The following SHISA9 variants were observed in gnomAD, a reference collection of about 807,000 sequenced individuals.
SHISA9 encodes the protein protein shisa-9.
Under a neutral mutation model 38.0 loss-of-function variants are expected in SHISA9, and 13 were observed. The ratio of observed to expected loss-of-function variants is 0.34; its 90% CI spans 0.22 to 0.54. The LOEUF is 0.54. SHISA9 is among the 20% of genes least tolerant of loss of function. The probability of loss-of-function intolerance (pLI) is 0.91; values close to 1 mark genes in which losing one functional copy is unlikely to be tolerated. For synonymous variants in SHISA9, 275 were observed against 242.0 expected, an observed-to-expected ratio of 1.14 and a Z score of -1.27; for missense variants, 538 against 575.8, an observed-to-expected ratio of 0.93 and a Z score of 0.67.
In SHISA9 at chr16:13,068,940, T is replaced by C. The variant is rs2073469073; in HGVS notation, c.692-134454T>C. ...TGTATACGTGTGTACATGCAATGTGTATATGCGCATATGTGTACATATGCA... is the reference window on the plus strand; with the variant it reads ...TGTATACGTGTGTACATGCAATGTGCATATGCGCATATGTGTACATATGCA... On this transcript the variant is annotated intron_variant, in intron 2 of 4. Transcript: ENST00000558583. Among the ~76,000 whole-genome samples the C allele has an allele frequency of 2.6e-5, 4 of 152,286 alleles. No homozygotes were observed. In the South Asian group the frequency reaches 6.2e-4, roughly 24 times the overall value.
chr16:13,345,706 C>T, the SHISA9 span, among the ~76,000 whole-genome samples: 1 of 151,888 alleles, frequency 6.6e-6, no homozygotes, highest in Non-Finnish European at 1.5e-5. Context: ...AACTAATTTA[C>T]ATTCCCACCA....
chr16:13,240,356 CAT>C lies in SHISA9; in HGVS notation c.*4950_*4951del, dbSNP rs1217390237. ...TTTTCTAAGAATGTTTATTTGTAAA[CAT>C]ATGTATTCACTATATTAATATGAAT... On this transcript the variant is annotated 3_prime_UTR_variant, in exon 5 of 5. Transcript: ENST00000558583. 6.6e-6 allele frequency: 1 copy of C among 152,178 alleles called. No individual in the cohort carries two copies. The highest frequency in any genetic ancestry group is 1.5e-5 in the Non-Finnish European group (1 of 68,016). The allele number at this position is 152,178 out of a possible 1,614,324, so 9.4% of individuals were successfully genotyped here. A position where few individuals can be genotyped will look rare whatever the true frequency, so the allele number is the denominator to read the frequency against.
intron 2 of SHISA9, among the ~76,000 whole-genome samples, chr16:13,018,945 A>T (rs1596588296): frequency 1.3e-5 from 2 of 152,216 alleles, no homozygotes; most frequent in South Asian, 4.1e-4. Flanking sequence ...ACTTTGCTCA[A>T]GCTACCATAG....
chr16:13,232,544 GAC>G (rs1401965780), intron 4 of SHISA9, among the ~76,000 whole-genome samples: 2 of 152,214 alleles, frequency 1.3e-5, no homozygotes, highest in Non-Finnish European at 2.9e-5. Flanking sequence ...CATGGCCCAT[GAC>G]ACAGCCCTCA....
At chr16:13,437,815 G>A in the SHISA9 span, among the ~76,000 whole-genome samples, 3 of 130,328 alleles carry the variant, frequency 2.3e-5, no homozygotes, top group East Asian at 5.5e-4. Flanking sequence ...ACAATTCCAA[G>A]TGGTGGATCT....
intron 1 of SHISA9, among the ~76,000 whole-genome samples, chr16:12,915,997 G>T (rs6498364): frequency 0.32 from 27,059 of 84,580 alleles, 2,720 homozygotes; most frequent in East Asian, 0.45. Flanking sequence ...TTTTTTTTTT[G>T]TGTGTGTGTG....
the SHISA9 span, among the ~76,000 whole-genome samples, chr16:13,475,223 A>G: frequency 6.6e-6 from 1 of 151,974 alleles, no homozygotes; most frequent in Non-Finnish European, 1.5e-5. Flanking sequence ...TTATTTAGGG[A>G]TTGGCTTACA....
At chr16:13,039,380 G>A (rs1052843510) in intron 2 of SHISA9, among the ~76,000 whole-genome samples, 3 of 151,996 alleles carry the variant, frequency 2.0e-5, no homozygotes, top group Admixed American at 6.6e-5. Context: ...CTTGTACAAG[G>A]TAATACAGAT....
At position 13,174,819 on chromosome 16, in the gene SHISA9, C is replaced by G. The variant is rs1420280081; in HGVS notation, c.692-28575C>G. On this transcript the variant is annotated intron_variant, in intron 2 of 4. Coordinates refer to ENST00000558583, the MANE Select transcript of SHISA9 (RefSeq NM_001145204.3). ...GGAGCCAAGCTGATTCCTTTATAAT[C>G]TCTGGATCCAAGGCAGCTCTGAGAT... Among the ~76,000 whole-genome samples, 5 of 152,266 alleles carry G rather than the reference C, an allele frequency of 3.3e-5. No homozygotes were observed. The East Asian group carries it at 9.7e-4, about 29-fold the overall frequency.
chr16:13,164,639 G>A (rs190205311), intron 2 of SHISA9, among the ~76,000 whole-genome samples: 15 of 152,116 alleles, frequency 9.9e-5, no homozygotes, highest in Admixed American at 9.8e-4. Context: ...CTATAAATTA[G>A]CCTCTAGGTA....
At chr16:13,345,123 T>C in the SHISA9 span, among the ~76,000 whole-genome samples, 137 of 152,320 alleles carry the variant, frequency 9.0e-4, 1 homozygote, top group Non-Finnish European at 1.4e-3. Flanking sequence ...AAATTTTATT[T>C]TAACTTCAGG....
chr16:13,423,324 T>G, the SHISA9 span, among the ~76,000 whole-genome samples: 2 of 152,208 alleles, frequency 1.3e-5, no homozygotes, highest in African/African-American at 4.8e-5. Context: ...GGAGATTGTT[T>G]TCTTTATTTT....
At chr16:13,301,887 A>G in the SHISA9 span, among the ~76,000 whole-genome samples, 130 of 152,308 alleles carry the variant, frequency 8.5e-4, no homozygotes, top group African/African-American at 2.8e-3. Flanking sequence ...AATGTTGTCT[A>G]CCTCACAGAG....
the SHISA9 span, among the ~76,000 whole-genome samples, chr16:13,379,628 C>G: frequency 3.1e-4 from 47 of 152,338 alleles, no homozygotes; most frequent in African/African-American, 1.1e-3. Context: ...TCCCTGTTTC[C>G]AGTCCCTGTG....
At chr16:12,996,759 G>A (rs2072462206) in intron 2 of SHISA9, among the ~76,000 whole-genome samples, 1 of 152,064 alleles carries the variant, frequency 6.6e-6, no homozygotes, top group Non-Finnish European at 1.5e-5. Flanking sequence ...TTTCTTATCT[G>A]TAGTTCAAAC....
At chr16:13,100,227 A>T (rs1260300310) in intron 2 of SHISA9, among the ~76,000 whole-genome samples, 1 of 152,246 alleles carries the variant, frequency 6.6e-6, no homozygotes, top group Non-Finnish European at 1.5e-5. Flanking sequence ...AACACCACTC[A>T]GAACAAAACA....
chr16:13,276,972 A>G, the SHISA9 span, among the ~76,000 whole-genome samples: 1 of 151,964 alleles, frequency 6.6e-6, no homozygotes, highest in Non-Finnish European at 1.5e-5. Context: ...TGGGTTCATG[A>G]TCATAAAATC....
the SHISA9 span, among the ~76,000 whole-genome samples, chr16:13,459,917 TA>T: frequency 6.6e-5 from 10 of 151,854 alleles, no homozygotes; most frequent in Non-Finnish European, 1.2e-4. Context: ...TGATTATGAA[TA>T]TTTTTTTAAC....
chr16:13,513,197 G>T, the SHISA9 span, among the ~76,000 whole-genome samples: 2 of 152,128 alleles, frequency 1.3e-5, no homozygotes, highest in African/African-American at 2.4e-5. Context: ...AGTGGGCAAA[G>T]GATATGAAAA....
Sources: allele counts gnomAD v4.1 joint callset (sites outside exome capture counted in the v4.1 genomes callset), GRCh38; gene constraint gnomAD v4.1.1; transcripts MANE v1.5; gene names NCBI Gene and HGNC (gene_info 2026-07-23, HGNC 2026-07-21).